Variants in SPPL3 observed in about 807,000 individuals in gnomAD.
SPPL3 encodes signal peptide peptidase like 3, also known as signal peptide peptidase-like 3.
A neutral mutation model predicts 42.4 loss-of-function variants in SPPL3; 5 were observed. The ratio of observed to expected loss-of-function variants is 0.12; its 90% CI spans 0.06 to 0.25. SPPL3 has a LOEUF of 0.25. SPPL3 is among the 10% of genes least tolerant of loss of function. The pLI, the probability that SPPL3 is intolerant of heterozygous loss-of-function variation, is 1.00. For synonymous variants in SPPL3, 195 were observed against 181.8 expected (o/e 1.07, Z -0.58); for missense variants, 235 against 489.0 (o/e 0.48, Z 4.90).
chr12:120,840,936 TTTCATTCATTCA>T (rs3050429), intron 1 of SPPL3, among the ~76,000 whole-genome samples: 1 of 151,038 alleles, frequency 6.6e-6, no homozygotes, highest in East Asian at 1.9e-4. Context: ...TGAGACTCCA[TTTCATTCATTCA>T]TTCATTCATT....
chr12:120,854,025 C>T (rs1000657220), intron 1 of SPPL3, among the ~76,000 whole-genome samples: 1 of 139,572 alleles, frequency 7.2e-6, no homozygotes, highest in Non-Finnish European at 1.6e-5. Context: ...CACACACACA[C>T]GGGGAAAAAA....
intron 1 of SPPL3, among the ~76,000 whole-genome samples, chr12:120,887,597 G>A (rs1278673104): frequency 2.0e-5 from 3 of 152,152 alleles, no homozygotes; most frequent in Admixed American, 6.5e-5. Context: ...ATTCCAGCAC[G>A]CAAAAGAAAT....
At chr12:120,888,120 G>A (rs1256119631) in intron 1 of SPPL3, among the ~76,000 whole-genome samples, 4 of 152,138 alleles carry the variant, frequency 2.6e-5, no homozygotes, top group African/African-American at 9.7e-5. Flanking sequence ...CTGTTGCCCA[G>A]GCTGGAGTGC....
chr12:120,894,872 G>A (rs544717007), intron 1 of SPPL3, among the ~76,000 whole-genome samples: 10 of 151,994 alleles, frequency 6.6e-5, no homozygotes, highest in African/African-American at 1.7e-4. Context: ...CCTTGAACCC[G>A]GGAGGTGGAG....
intron 5 of SPPL3, 133 bp from the exon 6 acceptor site, chr12:120,782,900 T>A: frequency 1.5e-6 from 1 of 656,300 alleles, no homozygotes; most frequent in Non-Finnish European, 2.7e-6. Flanking sequence ...AAATACCCAA[T>A]CCTTTTTTGG....
chr12:120,848,783 G>A (rs962804153), intron 1 of SPPL3, among the ~76,000 whole-genome samples: 2 of 152,036 alleles, frequency 1.3e-5, no homozygotes, highest in South Asian at 2.1e-4. Flanking sequence ...TTTTACCATA[G>A]CTCATTATAC....
intron 1 of SPPL3, among the ~76,000 whole-genome samples, chr12:120,833,220 A>ACGATGGCATAATGACAAAGAAGTGTGGGG (rs1871487404): frequency 1.3e-5 from 2 of 152,182 alleles, no homozygotes; most frequent in African/African-American, 4.8e-5. Flanking sequence ...TACAATAAGA[A>ACGATGGCATAATGACAAAGAAGTGTGGGG]CGATGGCATA....
At chr12:120,853,842 A>G (rs1051892428) in intron 1 of SPPL3, among the ~76,000 whole-genome samples, 2 of 152,196 alleles carry the variant, frequency 1.3e-5, no homozygotes, top group African/African-American at 4.8e-5. Context: ...TCACATTTTC[A>G]TAGCAATTCA....
chr12:120,851,497 G>T (rs539146666), intron 1 of SPPL3, among the ~76,000 whole-genome samples: 3 of 152,230 alleles, frequency 2.0e-5, no homozygotes, highest in East Asian at 1.9e-4. Flanking sequence ...GCTCTGTTCA[G>T]TCGAAGCAGT....
chr12:120,769,329 G>A (rs1869028988), intron 6 of SPPL3: 1 of 324,026 alleles, frequency 3.1e-6, no homozygotes, highest in Non-Finnish European at 5.8e-6. Flanking sequence ...AGACCTCCAA[G>A]CTCTCTTTTC....
At position 120,771,329 on chromosome 12, in the gene SPPL3, C is replaced by T. The variant is rs114026019; in HGVS notation, c.503-2270G>A. Among the ~76,000 whole-genome samples the T allele has an allele frequency of 3.4e-3, 514 of 152,308 alleles. 3 individuals carry two copies. The highest frequency in any genetic ancestry group is 0.012 in the African/African-American group (497 of 41,580). On this transcript the variant is annotated intron_variant, in intron 6 of 10. Transcript: ENST00000353487. ...CAGCCTCCTCACTCTACCCCCCATG[C>T]CGCCGCTTCGGCCACGCCGCCGCTT...
intron 3 of SPPL3, among the ~76,000 whole-genome samples, chr12:120,785,706 C>G (rs1379719284): frequency 1.3e-5 from 2 of 151,656 alleles, no homozygotes; most frequent in African/African-American, 4.8e-5. Flanking sequence ...TGTGGTGGCT[C>G]ATGCCTGTAA....
chr12:120,782,240 A>G (rs1441602775), intron 6 of SPPL3, among the ~76,000 whole-genome samples: 2 of 152,246 alleles, frequency 1.3e-5, no homozygotes, highest in African/African-American at 4.8e-5. Flanking sequence ...ATCATTCATA[A>G]TAGCCTAAAA....
intron 1 of SPPL3, among the ~76,000 whole-genome samples, chr12:120,826,909 C>A (rs1038124518): frequency 6.6e-6 from 1 of 151,946 alleles, no homozygotes; most frequent in Non-Finnish European, 1.5e-5. Context: ...TTAATCCTGA[C>A]AAAATTGAGA....
chr12:120,826,596 G>C (rs1871238065), intron 1 of SPPL3, among the ~76,000 whole-genome samples: 1 of 152,146 alleles, frequency 6.6e-6, no homozygotes, highest in Non-Finnish European at 1.5e-5. Context: ...TAAGTGATAA[G>C]AGTCTCTGCA....
chr12:120,807,950 T>C (rs1412151876), intron 2 of SPPL3, among the ~76,000 whole-genome samples: 1 of 49,608 alleles, frequency 2.0e-5, no homozygotes, highest in Admixed American at 3.9e-4. Context: ...CCTTATTAAA[T>C]TATAAAAGAT....
chr12:120,897,919 A>C (rs1873858671), intron 1 of SPPL3, among the ~76,000 whole-genome samples: 1 of 152,154 alleles, frequency 6.6e-6, no homozygotes, highest in Non-Finnish European at 1.5e-5. Context: ...TGCCATTCTC[A>C]GGTTTAATAA....
rs2136978396 is a variant in SPPL3 at position 120,782,695 on chromosome 12, G to A, written c.462C>T (p.Val154=). 1.2e-6 allele frequency: 2 copies of A among 1,611,814 alleles called. No homozygotes were observed. Among genetic ancestry groups the A allele is most frequent in the African/African-American group, 2.7e-5 (2 of 75,004 alleles). ...AATGGCCAGTGAGAACCCAGATGAG[G>A]ACGAGCATGACAGACAGAGAGAATG... The part of the protein sequence containing the change: ...LLSFSLSVML[V]LIWVLTGHWL... The change falls in exon 6 of 11, where the codon GTC becomes GTT. Residue 154 remains valine, a synonymous_variant. Coordinates refer to ENST00000353487, the MANE Select transcript of SPPL3 (RefSeq NM_139015.5).
intron 6 of SPPL3, among the ~76,000 whole-genome samples, chr12:120,771,864 A>C (rs1362983734): frequency 1.3e-5 from 2 of 152,136 alleles, no homozygotes; most frequent in Non-Finnish European, 2.9e-5. Context: ...AGTTCAACAC[A>C]ATTTCCCGCT....
Sources: allele counts gnomAD v4.1 joint callset (sites outside exome capture counted in the v4.1 genomes callset), GRCh38; gene constraint gnomAD v4.1.1; transcripts MANE v1.5; gene names NCBI Gene and HGNC (gene_info 2026-07-23, HGNC 2026-07-21).